FBXW8: variants seen among roughly 807,000 people sequenced by gnomAD.
The protein encoded by FBXW8 is F-box and WD repeat domain containing 8, also known as F-box/WD repeat-containing protein 8.
FBXW8 carries 57 observed loss-of-function variants against 65.3 expected under a neutral mutation model. The observed-to-expected ratio is 0.87, with a 90% CI of 0.71 to 1.09. The LOEUF is 1.09. Among genes scored for constraint, FBXW8 ranks in the 50% least tolerant of loss-of-function variants. The pLI is 0.00. For missense variants in FBXW8, 777 were observed against 814.8 expected (o/e 0.95, Z 0.57); for synonymous variants, 308 against 330.2 (o/e 0.93, Z 0.73).
At chr12:116,952,080 G>A (rs944294807) in intron 4 of FBXW8, among the ~76,000 whole-genome samples, 4 of 152,112 alleles carry the variant, frequency 2.6e-5, no homozygotes, top group African/African-American at 9.7e-5. Flanking sequence ...CTTTTCAAGT[G>A]TACCTTTGTT....
At chr12:116,958,819 T>A (rs183730814) in intron 4 of FBXW8, among the ~76,000 whole-genome samples, 16 of 152,352 alleles carry the variant, frequency 1.1e-4, no homozygotes, top group African/African-American at 1.4e-4. Flanking sequence ...CAACCAGTAG[T>A]GATCATGAAT....
intron 7 of FBXW8, among the ~76,000 whole-genome samples, chr12:116,989,686 G>C (rs1480744344): frequency 6.6e-6 from 1 of 152,200 alleles, no homozygotes; most frequent in East Asian, 1.9e-4. Context: ...GGGACCAAGG[G>C]GGAGAGAGAG....
intron 1 of FBXW8, among the ~76,000 whole-genome samples, chr12:116,922,739 CTT>C (rs991142217): frequency 6.6e-6 from 1 of 151,956 alleles, no homozygotes; most frequent in African/African-American, 2.4e-5. Context: ...GTCCAGTAGA[CTT>C]TGGGAAAATC....
chr12:117,021,310 G>A (rs1592968701), intron 8 of FBXW8, among the ~76,000 whole-genome samples: 1 of 152,148 alleles, frequency 6.6e-6, no homozygotes, highest in East Asian at 1.9e-4. Context: ...TTAATAATGG[G>A]TTGTCAGTCT....
chr12:116,965,679 GAACAA>G lies in FBXW8; in HGVS notation c.835+829_835+833del, dbSNP rs1884274069. Among the ~76,000 whole-genome samples the G allele has an allele frequency of 5.3e-5, 8 of 152,248 alleles. 1 individual carries two copies. In the South Asian group the frequency reaches 1.7e-3, roughly 32 times the overall value. ...TGTGACATTAGCAGTTGGCTCAGAG[GAACAA>G]AACTAAAGTAGCTAATGGGGAATTT... On this transcript the variant is annotated intron_variant, in intron 5 of 10. Transcript: ENST00000652555.
At chr12:117,025,983 C>G (rs904076346) in intron 9 of FBXW8, among the ~76,000 whole-genome samples, 19 of 152,246 alleles carry the variant, frequency 1.2e-4, no homozygotes, top group African/African-American at 4.6e-4. Context: ...GCTTGTCCCC[C>G]ACGTGGTCAC....
At chr12:116,930,764 C>T (rs576522120) in intron 2 of FBXW8, among the ~76,000 whole-genome samples, 4 of 152,132 alleles carry the variant, frequency 2.6e-5, no homozygotes, top group Non-Finnish European at 5.9e-5. Flanking sequence ...CATAGTTTTA[C>T]AGTTTCAAGT....
intron 5 of FBXW8, among the ~76,000 whole-genome samples, chr12:116,965,799 C>T (rs1884283090): frequency 6.6e-6 from 1 of 152,102 alleles, no homozygotes; most frequent in Non-Finnish European, 1.5e-5. Context: ...CACTTTTTTG[C>T]CCTGGCTAGA....
intron 10 of FBXW8, 136 bp from the exon 11 acceptor site, chr12:117,027,892 G>A (rs1954272020): frequency 4.2e-6 from 5 of 1,178,600 alleles, no homozygotes; most frequent in Non-Finnish European, 5.9e-6. Flanking sequence ...ATCTGACGCT[G>A]TGTGCCCAGA....
intron 5 of FBXW8, among the ~76,000 whole-genome samples, chr12:116,973,070 G>T (rs909552401): frequency 2.6e-5 from 4 of 152,102 alleles, no homozygotes; most frequent in African/African-American, 9.7e-5. Flanking sequence ...GTTCCCACTG[G>T]CCAAACCTGG....
chr12:116,915,728 C>G (rs1275080804), intron 1 of FBXW8, among the ~76,000 whole-genome samples: 1 of 142,912 alleles, frequency 7.0e-6, no homozygotes, highest in Non-Finnish European at 1.5e-5. Context: ...TCTTGGCTCA[C>G]TGCAACCCTG....
At position 117,027,416 on chromosome 12, in the gene FBXW8, T is replaced by G. The variant is rs991571765; in HGVS notation, c.1564T>G (p.Phe522Val). ...YSGHPVQHIS[F>V]SSHSLITANV... ...CAGGCACCCGGTGCAGCACATCTCA[T>G]TCAGCAGCCACAGCCTCATCACGGC... is the stretch of plus-strand genomic sequence containing the variant. Residue 522 changes from phenylalanine to valine, a missense_variant, in exon 10 of 11, where the codon TTC becomes GTC. Physicochemically the swap from Phe to Val is conservative, Grantham distance 50 (BLOSUM62 -1). Coordinates refer to ENST00000652555, the MANE Select transcript of FBXW8 (RefSeq NM_153348.3). 1 of 1,614,066 alleles carries G rather than the reference T, an allele frequency of 6.2e-7. No homozygotes were observed. Among genetic ancestry groups the G allele is most frequent in the Non-Finnish European group, 8.5e-7 (1 of 1,179,994 alleles).
At chr12:116,960,979 G>C (rs1313002576) in intron 4 of FBXW8, among the ~76,000 whole-genome samples, 2 of 152,118 alleles carry the variant, frequency 1.3e-5, no homozygotes, top group Non-Finnish European at 2.9e-5. Context: ...AATCTTGGCT[G>C]TATATTGAAA....
intron 1 of FBXW8, among the ~76,000 whole-genome samples, chr12:116,914,137 G>A (rs752850577): frequency 2.0e-5 from 3 of 152,112 alleles, no homozygotes; most frequent in Non-Finnish European, 2.9e-5. Context: ...GCTAGGTGTG[G>A]TGGTGCACCC....
At chr12:116,976,315 C>G (rs1043267273) in intron 5 of FBXW8, among the ~76,000 whole-genome samples, 14 of 151,498 alleles carry the variant, frequency 9.2e-5, no homozygotes, top group African/African-American at 3.4e-4. Flanking sequence ...CAGGGATCCT[C>G]AGCATTTCTC....
At chr12:116,932,717 A>G (rs1881865425) in intron 2 of FBXW8, among the ~76,000 whole-genome samples, 1 of 152,108 alleles carries the variant, frequency 6.6e-6, no homozygotes, top group South Asian at 2.1e-4. Context: ...TATTTTTAGT[A>G]GAGACGGGGT....
intron 4 of FBXW8, 92 bp from the exon 5 acceptor site, chr12:116,964,605 C>A (rs1259509166): frequency 2.0e-6 from 3 of 1,482,730 alleles, no homozygotes; most frequent in Non-Finnish European, 2.8e-6. Context: ...CCGATTCTTA[C>A]TTGTCTGTTG....
intron 1 of FBXW8, among the ~76,000 whole-genome samples, chr12:116,926,326 G>C (rs1014154749): frequency 3.3e-5 from 5 of 152,102 alleles, no homozygotes; most frequent in Non-Finnish European, 7.4e-5. Flanking sequence ...TTTTTCTCTT[G>C]TTTCTTTACC....
chr12:116,935,518 C>T (rs1882092976), intron 2 of FBXW8, among the ~76,000 whole-genome samples: 1 of 152,182 alleles, frequency 6.6e-6, no homozygotes, highest in African/African-American at 2.4e-5. Flanking sequence ...TCAGGAAGTT[C>T]TGTGGAAGGT....
Sources: allele counts gnomAD v4.1 joint callset (sites outside exome capture counted in the v4.1 genomes callset), GRCh38; gene constraint gnomAD v4.1.1; transcripts MANE v1.5; gene names NCBI Gene and HGNC (gene_info 2026-07-23, HGNC 2026-07-21).